RASGRF1: variants seen among roughly 807,000 people sequenced by gnomAD.
RASGRF1 encodes the protein Ras protein specific guanine nucleotide releasing factor 1.
In RASGRF1, 40 loss-of-function variants were observed where a neutral mutation model predicts 138.7. The ratio of observed to expected loss-of-function variants is 0.29; its 90% CI spans 0.22 to 0.38. The LOEUF is 0.38. Ranked by LOEUF, RASGRF1 falls within the 10% of genes least tolerant of loss-of-function variation. RASGRF1 has a pLI of 1.00. For missense variants in RASGRF1, 1,108 were observed against 1,650.4 expected (o/e 0.67, Z 5.69); for synonymous variants, 614 against 663.2 (o/e 0.93, Z 1.14).
chr15:79,069,603 T>C (rs946394051), intron 1 of RASGRF1, among the ~76,000 whole-genome samples: 1 of 152,198 alleles, frequency 6.6e-6, no homozygotes, highest in Admixed American at 6.5e-5. Flanking sequence ...GGGAAGCAGG[T>C]CTTGCTGCAG....
chr15:79,036,254 C>T (rs761909817), intron 5 of RASGRF1, among the ~76,000 whole-genome samples: 1 of 152,196 alleles, frequency 6.6e-6, no homozygotes, highest in Non-Finnish European at 1.5e-5. Context: ...CCCCTAGGCT[C>T]TTTGTGGTAC....
intron 1 of RASGRF1, among the ~76,000 whole-genome samples, chr15:79,070,918 A>G (rs1013751721): frequency 3.2e-4 from 48 of 152,168 alleles, no homozygotes; most frequent in African/African-American, 1.2e-3. Context: ...GTTGTTGAGG[A>G]TCTGAATTGC....
chr15:79,047,025 G>A, intron 4 of RASGRF1, 26 bp from the exon 5 acceptor site: 1 of 1,600,596 alleles, frequency 6.2e-7, no homozygotes, highest in Non-Finnish European at 8.5e-7. Context: ...GGTGGGGAGA[G>A]GCTCCTGTCA....
At chr15:79,059,873 T>C (rs1227787170) in intron 2 of RASGRF1, among the ~76,000 whole-genome samples, 4 of 152,124 alleles carry the variant, frequency 2.6e-5, no homozygotes, top group Non-Finnish European at 4.4e-5. Context: ...ATCTATTATG[T>C]ATATGTAAAT....
Position 79,015,349 on chromosome 15 carries a change from C to T in RASGRF1, c.1804G>A (p.Val602Ile), listed in dbSNP as rs1246430555. Residue 602 changes from valine to isoleucine, a missense_variant, in exon 13 of 27, where the codon GTC becomes ATC. Around this residue, in one of 3 missense-constraint regions of RASGRF1, gnomAD observed 686 missense variants for 976.7 expected, o/e 0.70. Coordinates refer to ENST00000558480, the MANE Select transcript of RASGRF1 (RefSeq NM_001145648.3). Reference protein sequence around the residue: ...MMNAFEENSKVTVPQMIKSDA... With the variant: ...MMNAFEENSKITVPQMIKSDA... ...TACTTGATCATCTGCGGCACAGTGA[C>T]CTTGGAATTTTCTTCAAATGCGTTC... 2 of 1,613,722 alleles carry T rather than the reference C, an allele frequency of 1.2e-6. No individual in the cohort carries two copies. The highest frequency in any genetic ancestry group is 1.7e-6 in the Non-Finnish European group (2 of 1,179,748).
intron 18 of RASGRF1, 26 bp from the exon 19 acceptor site, chr15:78,998,234 T>C (rs776081530): frequency 6.3e-7 from 1 of 1,584,706 alleles, no homozygotes; most frequent in Middle Eastern, 1.7e-4. Context: ...GATGGGTGGC[T>C]CTGGTTACTG....
chr15:79,005,072 G>A (rs1323209162), intron 14 of RASGRF1: 4 of 985,268 alleles, frequency 4.1e-6, no homozygotes, highest in Non-Finnish European at 4.8e-6. Flanking sequence ...ACTTTTAGGG[G>A]GTAAATCCAT....
chr15:79,032,354 C>T lies in RASGRF1; in HGVS notation c.959-38G>A. 6.3e-7 allele frequency: 1 copy of T among 1,598,632 alleles called. No homozygotes were observed. The highest frequency in any genetic ancestry group is 8.6e-7 in the Non-Finnish European group (1 of 1,168,434). ...GGCAGTCAGCGGGTGGCTAGGGCAG[C>T]TTGGTGGGGACAGAATCCCCTAGGC... On this transcript the variant is annotated intron_variant, in intron 6 of 26. Transcript: ENST00000558480. The surrounding 1 kb of genome is among the most constrained non-coding windows in gnomAD (Gnocchi z 4.5).
At chr15:79,030,625 G>T (rs2057123607) in intron 8 of RASGRF1, among the ~76,000 whole-genome samples, 1 of 152,154 alleles carries the variant, frequency 6.6e-6, no homozygotes, top group African/African-American at 2.4e-5. Flanking sequence ...TGTCCCTCCT[G>T]CAGTTTTCTC....
At chr15:78,974,669 G>C (rs1048730487) in intron 24 of RASGRF1, among the ~76,000 whole-genome samples, 18 of 152,212 alleles carry the variant, frequency 1.2e-4, no homozygotes, top group Non-Finnish European at 5.9e-5. Context: ...TTTGGTGATA[G>C]TGTGACTTTG....
chr15:78,979,036 G>A (rs1230986169), intron 24 of RASGRF1: 8 of 1,293,000 alleles, frequency 6.2e-6, no homozygotes, highest in Non-Finnish European at 8.1e-6. Context: ...CGGCAGACGA[G>A]GAAGCCAGCC....
At chr15:78,996,844 C>T (rs559498098) in intron 19 of RASGRF1, among the ~76,000 whole-genome samples, 1 of 152,332 alleles carries the variant, frequency 6.6e-6, no homozygotes, top group Non-Finnish European at 1.5e-5. Context: ...GAATGGGCCC[C>T]AGCATGGGGC....
At chr15:79,018,293 C>A (rs190744350) in intron 11 of RASGRF1, among the ~76,000 whole-genome samples, 6 of 152,342 alleles carry the variant, frequency 3.9e-5, no homozygotes, top group African/African-American at 1.2e-4. Context: ...CTCCTGCTAC[C>A]CCAAGGTGGT....
chr15:79,002,809 T>TGTGCCCTCTGCTGGGG (rs2056564892), intron 15 of RASGRF1, among the ~76,000 whole-genome samples: 1 of 152,250 alleles, frequency 6.6e-6, no homozygotes, highest in Non-Finnish European at 1.5e-5. Context: ...TTGCCCCAGC[T>TGTGCCCTCTGCTGGGG]GTGCCCTCTG....
Position 79,010,031 on chromosome 15 carries a change from TG to T in RASGRF1, c.1827-3598del, listed in dbSNP as rs71451740. 6.7e-4 allele frequency among the ~76,000 whole-genome samples: 99 copies of T among 146,942 alleles called. 1 individual carries two copies. Among genetic ancestry groups the T allele is most frequent in the Middle Eastern group, 7.1e-3 (2 of 282 alleles). On this transcript the variant is annotated intron_variant, in intron 13 of 26. Transcript: ENST00000558480. ...AGCCACTGCACCCAGCCTCTTTGTT[TG>T]TTTTTTTTTTTTTTTCTTTTGAGAC... is the stretch of plus-strand genomic sequence containing the variant.
intron 19 of RASGRF1, chr15:78,997,824 T>C (rs1408679623): frequency 8.5e-6 from 4 of 469,856 alleles, no homozygotes; most frequent in Non-Finnish European, 3.8e-6. Flanking sequence ...GGTTAGCAGC[T>C]GTGGACACAC....
chr15:79,084,424 C>A (rs1282882871), intron 1 of RASGRF1, among the ~76,000 whole-genome samples: 2 of 152,232 alleles, frequency 1.3e-5, no homozygotes, highest in African/African-American at 4.8e-5. Context: ...TGCAGGCAGA[C>A]CCCAAAGTGA....
Position 79,050,948 on chromosome 15 carries a change from C to T in RASGRF1, c.532-1360G>A, listed in dbSNP as rs185381295. ...GATTGCAGCTGTTTCATTTATTGTG[C>T]TCCTGGTGCCTAGCGCAAGGTTGGG... is the stretch of plus-strand genomic sequence containing the variant. On this transcript the variant is annotated intron_variant, in intron 3 of 26. Transcript: ENST00000558480. This position sits in a 1 kb window ranked among gnomAD's most constrained non-coding sequence, Gnocchi z 4.1. 6.6e-6 allele frequency among the ~76,000 whole-genome samples: 1 copy of T among 152,224 alleles called. No homozygotes were observed. The highest frequency in any genetic ancestry group is 1.5e-5 in the Non-Finnish European group (1 of 68,032).
chr15:78,990,797 G>A (rs530255557), intron 21 of RASGRF1, among the ~76,000 whole-genome samples: 3 of 152,230 alleles, frequency 2.0e-5, no homozygotes, highest in African/African-American at 4.8e-5. Flanking sequence ...AGAAGGGGCC[G>A]GGGAGGTGAT....
Sources: gnomAD v4.1 joint callset for allele counts (sites outside exome capture counted in the v4.1 genomes callset) on GRCh38, gnomAD v4.1.1 for gene constraint, gnomAD v4.1.1 regional missense constraint, Gnocchi (gnomAD v3.1) non-coding constraint, MANE v1.5 for transcripts, NCBI Gene and HGNC (gene_info 2026-07-23, HGNC 2026-07-21) for gene names.